The following LTN1 variants were observed in gnomAD, a reference collection of about 807,000 sequenced individuals.
LTN1 encodes E3 ubiquitin-protein ligase listerin.
Under a neutral mutation model 201.2 loss-of-function variants are expected in LTN1, and 88 were observed. The ratio of observed to expected loss-of-function variants is 0.44; its 90% CI spans 0.37 to 0.52. The LOEUF (loss-of-function observed/expected upper bound fraction) is 0.52, where lower values mean the gene tolerates loss of function less well. Ranked by LOEUF, LTN1 falls within the 20% of genes least tolerant of loss-of-function variation. The pLI is 0.00. For missense variants in LTN1, 1,752 were observed against 2,038.7 expected (o/e 0.86, Z 2.71); for synonymous variants, 645 against 713.5 (o/e 0.90, Z 1.53).
chr21:28,937,364 T>C (rs2084264777), intron 25 of LTN1, among the ~76,000 whole-genome samples: 1 of 152,206 alleles, frequency 6.6e-6, no homozygotes, highest in African/African-American at 2.4e-5. Context: ...TACAAAGATA[T>C]CATTTTCTTT....
Position 28,946,160 on chromosome 21 carries a change from A to T in LTN1, c.3615T>A (p.Leu1205=). 1.9e-6 allele frequency: 3 copies of T among 1,579,340 alleles called. No homozygotes were observed. The highest frequency in any genetic ancestry group is 2.6e-6 in the Non-Finnish European group (3 of 1,165,018). The change falls in exon 20 of 30, where the codon CTT becomes CTA. Residue 1205 remains leucine, a synonymous_variant. Transcript: ENST00000361371. ...TATAAAGTATCACCTACCAACTGAAAAGAAAAATATCTTCATGCTCTTTCT... is the reference window on the plus strand; with the variant it reads ...TATAAAGTATCACCTACCAACTGAATAGAAAAATATCTTCATGCTCTTTCT... ...SWKKEHEDIF[L]FSCNLSEASP...
intron 25 of LTN1, among the ~76,000 whole-genome samples, chr21:28,939,165 A>G (rs929909640): frequency 2.6e-5 from 4 of 152,226 alleles, no homozygotes; most frequent in African/African-American, 9.6e-5. Flanking sequence ...TAGCATTTAC[A>G]CTGTATCAGT....
intron 5 of LTN1, among the ~76,000 whole-genome samples, 194 bp from the exon 6 acceptor site, chr21:28,981,493 T>C (rs2084658316): frequency 6.6e-6 from 1 of 152,058 alleles, no homozygotes; most frequent in South Asian, 2.1e-4. Context: ...TTACTACTAA[T>C]ACAAGGTGAA....
At chr21:28,957,002 C>T in intron 15 of LTN1, 54 bp from the exon 16 acceptor site, 2 of 1,117,502 alleles carry the variant, frequency 1.8e-6, no homozygotes, top group Non-Finnish European at 2.5e-6. Context: ...GCAATTGAGA[C>T]TGAACAAAAA....
chr21:28,931,095 GTGTGTT>G, intron 29 of LTN1, 54 bp downstream of exon 29: 10 of 919,438 alleles, frequency 1.1e-5, no homozygotes, highest in South Asian at 7.6e-5. Flanking sequence ...GTGTGTGTGT[GTGTGTT>G]TATGTGTATA....
At chr21:28,955,782 G>C (rs2084419880) in intron 16 of LTN1, among the ~76,000 whole-genome samples, 1 of 151,896 alleles carries the variant, frequency 6.6e-6, no homozygotes, top group East Asian at 1.9e-4. Flanking sequence ...AATTAGCTGG[G>C]CATGGTGGTG....
chr21:28,977,373 CAAAA>C (rs113562906), intron 6 of LTN1, among the ~76,000 whole-genome samples: 3 of 102,516 alleles, frequency 2.9e-5, no homozygotes, highest in Non-Finnish European at 2.1e-5. Flanking sequence ...GACTCCATCT[CAAAA>C]AAAAAAAAAA....
At chr21:28,951,008 C>T (rs2084377862) in intron 18 of LTN1, among the ~76,000 whole-genome samples, 1 of 152,062 alleles carries the variant, frequency 6.6e-6, no homozygotes, top group African/African-American at 2.4e-5. Flanking sequence ...CTACACAGAA[C>T]ACACGCACAC....
chr21:28,989,482 A>G (rs1448067367), intron 1 of LTN1, among the ~76,000 whole-genome samples: 2 of 150,462 alleles, frequency 1.3e-5, no homozygotes, highest in Non-Finnish European at 3.0e-5. Flanking sequence ...TTTTTTTTGT[A>G]CTATGCCTAC....
chr21:28,947,272 C>T (rs761577140), intron 19 of LTN1, among the ~76,000 whole-genome samples, 192 bp downstream of exon 19: 1 of 152,146 alleles, frequency 6.6e-6, no homozygotes, highest in Non-Finnish European at 1.5e-5. Context: ...CGTAAGTCTT[C>T]CCTTAAGGCC....
At chr21:28,947,353 ATCAGCTGTAAT>A in intron 19 of LTN1, 100 bp downstream of exon 19, 1 of 847,712 alleles carries the variant, frequency 1.2e-6, no homozygotes, top group Non-Finnish European at 1.7e-6. Flanking sequence ...CTCAGAACAA[ATCAGCTGTAAT>A]TCAATTTACC....
intron 16 of LTN1, among the ~76,000 whole-genome samples, chr21:28,955,913 A>C (rs2084421046): frequency 8.3e-6 from 1 of 120,404 alleles, no homozygotes; most frequent in Non-Finnish European, 1.7e-5. Flanking sequence ...ACAGAGCGAG[A>C]CTCTGTCTCA....
In LTN1 at chr21:28,947,347, G is replaced by C. The variant is rs2084345905; in HGVS notation, c.3487+117C>G. ...AACAACACTCATCCATATAATCTCAGAACAAATCAGCTGTAATTCAATTTA... is the reference window on the plus strand; with the variant it reads ...AACAACACTCATCCATATAATCTCACAACAAATCAGCTGTAATTCAATTTA... On this transcript the variant is annotated intron_variant, in intron 19 of 29. Coordinates refer to ENST00000361371, the MANE Select transcript of LTN1 (RefSeq NM_015565.3). 3 of 822,488 alleles carry C rather than the reference G, an allele frequency of 3.6e-6. No homozygotes were observed. The African/African-American group carries it at 5.4e-5, about 15-fold the overall frequency. 50.9% of individuals were successfully genotyped at this position (822,488 alleles called of 1,614,324 possible).
chr21:28,943,253 A>G lies in LTN1; in HGVS notation c.4295+9T>C. The stretch of plus-strand genomic sequence containing the variant: ...ATTTAATAAAACAAATTATTTAAAA[A>G]AACCTTACAAGGCTGGCTCTTCTTC... On this transcript the variant is annotated intron_variant, in intron 24 of 29. Transcript: ENST00000361371. 6.4e-7 allele frequency: 1 copy of G among 1,567,718 alleles called. No individual in the cohort carries two copies. The highest frequency in any genetic ancestry group is 8.7e-7 in the Non-Finnish European group (1 of 1,143,408).
At chr21:28,931,066 GGTGTGTGTGT>G (rs10608923) in intron 29 of LTN1, 79 bp downstream of exon 29, 142 of 578,578 alleles carry the variant, frequency 2.5e-4, no homozygotes, top group East Asian at 1.8e-3. Context: ...ACATTGTGTA[GGTGTGTGTGT>G]GTGTGTGTGT....
chr21:28,934,986 G>C (rs1239682059), intron 27 of LTN1, 123 bp downstream of exon 27: 1 of 698,956 alleles, frequency 1.4e-6, no homozygotes, highest in African/African-American at 1.8e-5. Flanking sequence ...CATGAGCCAC[G>C]ACTCCTGGCC....
intron 18 of LTN1, among the ~76,000 whole-genome samples, chr21:28,950,093 T>C (rs2084370710): frequency 6.6e-6 from 1 of 152,200 alleles, no homozygotes; most frequent in South Asian, 2.1e-4. Context: ...AAATGTATAC[T>C]ATGTTCAGAA....
intron 11 of LTN1, among the ~76,000 whole-genome samples, chr21:28,960,992 A>G (rs1435188791): frequency 1.4e-5 from 2 of 145,928 alleles, no homozygotes; most frequent in Admixed American, 1.4e-4. Flanking sequence ...GAAAATCAGT[A>G]CAAATCCCAC....
intron 29 of LTN1, 27 bp from the exon 30 acceptor site, chr21:28,930,537 A>C (rs1203324593): frequency 1.9e-5 from 28 of 1,507,774 alleles, no homozygotes; most frequent in Non-Finnish European, 2.6e-5. Context: ...TTTAAATACT[A>C]AAAGAACTTT....
Sources: allele counts gnomAD v4.1 joint callset (sites outside exome capture counted in the v4.1 genomes callset), GRCh38; gene constraint gnomAD v4.1.1; transcripts MANE v1.5; gene names NCBI Gene and HGNC (gene_info 2026-07-23, HGNC 2026-07-21).